Variants in ELMO1 observed in about 807,000 individuals in gnomAD.
The protein encoded by ELMO1 is engulfment and cell motility protein 1.
ELMO1 carries 26 observed loss-of-function variants against 98.9 expected under a neutral mutation model. That is an observed-to-expected ratio of 0.26 (90% CI 0.19 to 0.36). The LOEUF (loss-of-function observed/expected upper bound fraction) is 0.36, where lower values mean the gene tolerates loss of function less well. ELMO1 is among the 10% of genes least tolerant of loss of function. The pLI is 1.00. For missense variants in ELMO1, 627 were observed against 935.2 expected (o/e 0.67, Z 4.30); for synonymous variants, 346 against 346.0 (o/e 1.00, Z 0.00).
chr7:37,060,949 G>A (rs73121121), intron 15 of ELMO1, among the ~76,000 whole-genome samples: 15,768 of 151,190 alleles, frequency 0.1, 938 homozygotes, highest in Middle Eastern at 0.19. Flanking sequence ...CTAAGATTCC[G>A]ATTTCCAAGT....
intron 1 of ELMO1, among the ~76,000 whole-genome samples, chr7:37,355,102 C>G (rs190928280): frequency 2.6e-5 from 4 of 152,294 alleles, no homozygotes; most frequent in African/African-American, 7.2e-5. Context: ...CCCGGCCTGA[C>G]GTCCTTATTC....
chr7:37,414,266 T>A (rs1166591559), intron 1 of ELMO1, among the ~76,000 whole-genome samples: 2 of 150,088 alleles, frequency 1.3e-5, no homozygotes, highest in East Asian at 3.9e-4. Context: ...GAAATTGAAA[T>A]ATGCTAAACA....
intron 1 of ELMO1, among the ~76,000 whole-genome samples, chr7:37,418,945 G>A (rs1031061200): frequency 6.6e-6 from 1 of 152,132 alleles, no homozygotes; most frequent in African/African-American, 2.4e-5. Flanking sequence ...TACGGAACAT[G>A]AGTCGAGGGA....
chr7:37,343,678 C>T (rs955868279), intron 1 of ELMO1, among the ~76,000 whole-genome samples: 4 of 152,152 alleles, frequency 2.6e-5, no homozygotes, highest in Non-Finnish European at 5.9e-5. Flanking sequence ...GACAAGGTTT[C>T]GCCATGTTGG....
At chr7:37,321,418 G>A (rs996989912) in intron 2 of ELMO1, among the ~76,000 whole-genome samples, 5 of 151,946 alleles carry the variant, frequency 3.3e-5, no homozygotes, top group Admixed American at 2.0e-4. Flanking sequence ...TCATTTCATT[G>A]AAAGAAAAGC....
intron 16 of ELMO1, among the ~76,000 whole-genome samples, chr7:36,932,194 G>A (rs1422514098): frequency 2.0e-5 from 3 of 152,154 alleles, no homozygotes; most frequent in African/African-American, 7.2e-5. Context: ...CATAGGGAAG[G>A]GTTCCCTCAT....
chr7:36,926,850 T>C (rs928368785), intron 16 of ELMO1, among the ~76,000 whole-genome samples: 2 of 152,248 alleles, frequency 1.3e-5, no homozygotes, highest in Non-Finnish European at 2.9e-5. Context: ...TCCCATAATT[T>C]AGTATGTGTT....
At chr7:37,201,952 T>C (rs778782749) in intron 13 of ELMO1, among the ~76,000 whole-genome samples, 3 of 152,190 alleles carry the variant, frequency 2.0e-5, no homozygotes, top group Non-Finnish European at 2.9e-5. Context: ...GGCACATCTC[T>C]GTGAGTTCAT....
chr7:37,323,863 A>G (rs531411185), intron 2 of ELMO1, among the ~76,000 whole-genome samples: 51 of 152,302 alleles, frequency 3.3e-4, no homozygotes, highest in South Asian at 1.2e-3. Context: ...ATGGATCACA[A>G]GGATGCCCTG....
chr7:37,166,761 T>C (rs1220699441), intron 13 of ELMO1, among the ~76,000 whole-genome samples: 1 of 152,184 alleles, frequency 6.6e-6, no homozygotes, highest in Non-Finnish European at 1.5e-5. Context: ...CTTCCAACTA[T>C]GTGGTCAATT....
chr7:37,150,334 AAC>A (rs1788273413), intron 13 of ELMO1, among the ~76,000 whole-genome samples: 1 of 151,950 alleles, frequency 6.6e-6, no homozygotes, highest in African/African-American at 2.4e-5. Context: ...TTTAAAGATT[AAC>A]AGACTGAGAC....
chr7:36,940,419 G>A (rs1786928298), intron 16 of ELMO1, among the ~76,000 whole-genome samples: 1 of 152,226 alleles, frequency 6.6e-6, no homozygotes, highest in Non-Finnish European at 1.5e-5. Context: ...CTCTGAGGCT[G>A]CCCTTTTGGG....
chr7:37,373,545 G>C (rs1802203414), intron 1 of ELMO1, among the ~76,000 whole-genome samples: 2 of 151,658 alleles, frequency 1.3e-5, no homozygotes, highest in Admixed American at 6.6e-5. Flanking sequence ...GGAGGTGGGG[G>C]TTGTGGTGAG....
At chr7:37,211,230 T>C (rs1044886740) in intron 13 of ELMO1, 156 bp downstream of exon 13, 67 of 1,016,182 alleles carry the variant, frequency 6.6e-5, no homozygotes, top group Non-Finnish European at 7.9e-5. Flanking sequence ...GAGATTTTCA[T>C]GTGATCCTGT....
At chr7:37,383,670 A>G (rs569005236) in intron 1 of ELMO1, among the ~76,000 whole-genome samples, 176 of 152,264 alleles carry the variant, frequency 1.2e-3, no homozygotes, top group African/African-American at 3.8e-3. Context: ...TATTCCTTCT[A>G]TTATTGGGTA....
chr7:37,099,832 A>C (rs373439193), intron 14 of ELMO1, among the ~76,000 whole-genome samples: 1 of 149,790 alleles, frequency 6.7e-6, no homozygotes, highest in African/African-American at 2.5e-5. Context: ...CCTGGAGTTC[A>C]ATTTTTTTTT....
intron 1 of ELMO1, among the ~76,000 whole-genome samples, chr7:37,430,072 A>C (rs1302171194): frequency 6.6e-6 from 1 of 152,166 alleles, no homozygotes; most frequent in Non-Finnish European, 1.5e-5. Flanking sequence ...AGCTGAGAAA[A>C]ATTTGGCATT....
At chr7:37,260,744 A>G (rs1795935817) in intron 5 of ELMO1, among the ~76,000 whole-genome samples, 2 of 152,172 alleles carry the variant, frequency 1.3e-5, no homozygotes, top group South Asian at 2.1e-4. Flanking sequence ...GACACGTTGC[A>G]TCAGAAATTA....
chr7:37,043,207 G>A (rs1795620545), intron 15 of ELMO1, among the ~76,000 whole-genome samples: 1 of 152,112 alleles, frequency 6.6e-6, no homozygotes, highest in Admixed American at 6.5e-5. Flanking sequence ...AGCAAGAGTG[G>A]GCAATAGAAC....
Sources: gnomAD v4.1 joint callset for allele counts (sites outside exome capture counted in the v4.1 genomes callset) on GRCh38, gnomAD v4.1.1 for gene constraint, MANE v1.5 for transcripts, NCBI Gene and HGNC (gene_info 2026-07-23, HGNC 2026-07-21) for gene names.